The following SBF1 variants were observed in gnomAD, a reference collection of about 807,000 sequenced individuals.
The protein encoded by SBF1 is myotubularin-related protein 5.
In SBF1, 65 loss-of-function variants were observed where a neutral mutation model predicts 215.8. The ratio of observed to expected loss-of-function variants is 0.30; its 90% CI spans 0.25 to 0.37. The LOEUF is 0.37. Ranked by LOEUF, SBF1 falls within the 10% of genes least tolerant of loss-of-function variation. SBF1 has a pLI of 1.00. For missense variants in SBF1, 2,634 were observed against 2,667.8 expected (o/e 0.99, Z 0.28); for synonymous variants, 1,410 against 1,122.8 (o/e 1.26, Z -5.11).
At chr22:50,457,509 G>A (rs536421477) in intron 28 of SBF1, among the ~76,000 whole-genome samples, 1 of 152,372 alleles carries the variant, frequency 6.6e-6, no homozygotes, top group African/African-American at 2.4e-5. Context: ...ACATGAGCAT[G>A]TAGACGCCTC....
At chr22:50,467,509 G>A (rs762478980) in intron 4 of SBF1, 23 bp downstream of exon 4, 13 of 1,613,580 alleles carry the variant, frequency 8.1e-6, no homozygotes, top group Non-Finnish European at 9.3e-6. Flanking sequence ...GTCGTGCCTC[G>A]CCGCCCCGGC....
rs774957311 is a variant in SBF1 at position 50,464,392 on chromosome 22, C to A, written c.1686G>T (p.Arg562=). Residue 562 remains arginine (R), a synonymous_variant, in exon 15 of 41, where the codon CGG becomes CGT. Coordinates refer to ENST00000380817, the MANE Select transcript of SBF1 (RefSeq NM_002972.4). ...CSGLHVNSAR[R]LEVVRNCISY... ...AGATGCAGTTGCGCACAACCTCCAG[C>A]CGCCGGGCGCTGTTGACATGCAGCC... is the stretch of plus-strand genomic sequence containing the variant. 6.2e-7 allele frequency: 1 copy of A among 1,614,120 alleles called. No individual in the cohort carries two copies. The highest frequency in any genetic ancestry group is 1.1e-5 in the South Asian group (1 of 91,084).
intron 5 of SBF1, chr22:50,466,958 A>G: frequency 1.8e-6 from 1 of 555,582 alleles, no homozygotes; most frequent in Non-Finnish European, 3.2e-6. Flanking sequence ...AGGTGGGCGG[A>G]AGAAACAAAG....
Position 50,447,400 on chromosome 22 carries a change from C to T in SBF1, c.5505G>A (p.Leu1835=). ...CAGGTGCCACAGCCTCCACCTCCGC[C>T]AAGTCGATGACACCCTTGCACTCTG... ...VDTECKGVID[L]AEVEAVAPGT... Residue 1835 remains leucine (L), a synonymous_variant, in exon 40 of 41, where the codon TTG becomes TTA. Transcript: ENST00000380817. The T allele has an allele frequency of 1.2e-6, 2 of 1,614,030 alleles. No individual in the cohort carries two copies. Among genetic ancestry groups the T allele is most frequent in the Non-Finnish European group, 1.7e-6 (2 of 1,179,972 alleles).
rs370087082 is a variant in SBF1 at position 50,447,397 on chromosome 22, C to T, written c.5508G>A (p.Ala1836=). The T allele has an allele frequency of 1.2e-5, 20 of 1,613,900 alleles. No individual in the cohort carries two copies. The highest frequency in any genetic ancestry group is 7.7e-5 in the South Asian group (7 of 91,094). ...DTECKGVIDL[A]EVEAVAPGTP... Reference sequence around the variant, plus strand: ...TGCCAGGTGCCACAGCCTCCACCTCCGCCAAGTCGATGACACCCTTGCACT... The same window carrying T: ...TGCCAGGTGCCACAGCCTCCACCTCTGCCAAGTCGATGACACCCTTGCACT... The change falls in exon 40 of 41, where the codon GCG becomes GCA. Residue 1836 remains alanine, a synonymous_variant. Coordinates refer to ENST00000380817, the MANE Select transcript of SBF1 (RefSeq NM_002972.4).
intron 36 of SBF1, among the ~76,000 whole-genome samples, chr22:50,453,209 C>G (rs914463834): frequency 1.3e-5 from 2 of 152,112 alleles, no homozygotes; most frequent in Non-Finnish European, 2.9e-5. Context: ...TACAAGAAAA[C>G]AACAGAGCAA....
chr22:50,473,855 G>A (rs1476061552), intron 1 of SBF1, among the ~76,000 whole-genome samples: 2 of 152,210 alleles, frequency 1.3e-5, no homozygotes, highest in African/African-American at 4.8e-5. Context: ...AGCCGGCTCA[G>A]GCCAGGCAGT....
At chr22:50,456,778 G>C (rs1426900282) in intron 29 of SBF1, 105 bp from the exon 30 acceptor site, 2 of 1,085,990 alleles carry the variant, frequency 1.8e-6, no homozygotes, top group Non-Finnish European at 2.6e-6. Flanking sequence ...CCCAGGGCAG[G>C]GGTGGTTGGC....
At chr22:50,452,740 A>T (rs918435967) in intron 36 of SBF1, among the ~76,000 whole-genome samples, 1 of 150,926 alleles carries the variant, frequency 6.6e-6, no homozygotes, top group Non-Finnish European at 1.5e-5. Flanking sequence ...AAAAAAAAAA[A>T]AAAAAAAAAA....
intron 38 of SBF1, 46 bp downstream of exon 38, chr22:50,448,187 C>G: frequency 6.3e-7 from 1 of 1,578,892 alleles, no homozygotes; most frequent in South Asian, 1.1e-5. Flanking sequence ...GACCCCAGAA[C>G]ACCAGCTCAG....
Position 50,460,258 on chromosome 22 carries a change from C to A in SBF1, c.3283+14G>T. On this transcript the variant is annotated intron_variant, in intron 25 of 40. Transcript: ENST00000380817. Reference sequence around the variant, plus strand: ...ATCCAGAGACCACCCAGGACTCCACCCCCACCCCTCCACCTGAGATCTCGT... The same window carrying A: ...ATCCAGAGACCACCCAGGACTCCACACCCACCCCTCCACCTGAGATCTCGT... The A allele has an allele frequency of 6.2e-7, 1 of 1,601,212 alleles. No homozygotes were observed.
At position 50,451,580 on chromosome 22, in the gene SBF1, A is replaced by G. The variant is rs117141973; in HGVS notation, c.5044-2930T>C. 5.1e-3 allele frequency among the ~76,000 whole-genome samples: 776 copies of G among 152,286 alleles called. 2 individuals carry two copies. The highest frequency in any genetic ancestry group is 8.7e-3 in the Non-Finnish European group (590 of 68,038). Reference sequence around the variant, plus strand: ...GAAGCAATGGCTTGAAATGTATTAAATTTGACAAAAATGATCATCCCACAG... The same window carrying G: ...GAAGCAATGGCTTGAAATGTATTAAGTTTGACAAAAATGATCATCCCACAG... On this transcript the variant is annotated intron_variant, in intron 36 of 40. Transcript: ENST00000380817.
chr22:50,470,120 G>A lies in SBF1; in HGVS notation c.56-1659C>T, dbSNP rs141842891. Among the ~76,000 whole-genome samples the A allele has an allele frequency of 1.4e-3, 210 of 151,306 alleles. 3 individuals carry two copies. Among genetic ancestry groups the A allele is most frequent in the African/African-American group, 4.8e-3 (197 of 41,164 alleles). On this transcript the variant is annotated intron_variant, in intron 1 of 40. Coordinates refer to ENST00000380817, the MANE Select transcript of SBF1 (RefSeq NM_002972.4). ...CACTCAGGCGCAGGCCCTGAGCTGC[G>A]GCTCCTCCCCCACCCCGCCCACTCC...
At chr22:50,460,448 G>A (rs369469230) in intron 24 of SBF1, 40 bp from the exon 25 acceptor site, 24 of 1,602,492 alleles carry the variant, frequency 1.5e-5, no homozygotes, top group African/African-American at 1.3e-4. Context: ...GAGGAGGAGG[G>A]ACAAAGATGA....
At chr22:50,457,706 T>G (rs2067311127) in intron 28 of SBF1, among the ~76,000 whole-genome samples, 1 of 152,186 alleles carries the variant, frequency 6.6e-6, no homozygotes, top group Non-Finnish European at 1.5e-5. Context: ...CCAGACGACG[T>G]GGCCTGAAGG....
chr22:50,468,810 G>A (rs2067889044), intron 1 of SBF1, among the ~76,000 whole-genome samples: 1 of 151,826 alleles, frequency 6.6e-6, no homozygotes, highest in African/African-American at 2.4e-5. Context: ...CCACCGCCAG[G>A]CCCCCACTTA....
rs747809306 is a variant in SBF1, at chr22:50,465,839, A to G, written c.1013T>C (p.Val338Ala). 9.9e-6 allele frequency: 16 copies of G among 1,612,558 alleles called. No homozygotes were observed. Among genetic ancestry groups the G allele is most frequent in the Non-Finnish European group, 1.4e-5 (16 of 1,179,652 alleles). The change falls in exon 10 of 41, where the codon GTC (valine) becomes GCC (alanine). Residue 338 changes from valine to alanine, a missense_variant and splice_region_variant. Transcript: ENST00000380817. ...AGCCAACTCCAGCTCCGGGTCCAGG[A>G]CCTGCCAGCACAGAATGGAGCAGGC... Reference protein sequence around the residue: ...QSQTHSVLSMVLDPELELADL... With the variant: ...QSQTHSVLSMALDPELELADL...
intron 28 of SBF1, among the ~76,000 whole-genome samples, chr22:50,457,595 G>A (rs1043915730): frequency 4.6e-5 from 7 of 152,264 alleles, no homozygotes; most frequent in Admixed American, 2.0e-4. Flanking sequence ...TTCCCGAAGA[G>A]GGGAGAGGGT....
At chr22:50,452,579 C>T (rs1009983916) in intron 36 of SBF1, among the ~76,000 whole-genome samples, 6 of 151,804 alleles carry the variant, frequency 4.0e-5, no homozygotes, top group South Asian at 2.1e-4. Flanking sequence ...AAAATTTAGC[C>T]GGGCATGATG....
Sources: gnomAD v4.1 joint callset for allele counts (sites outside exome capture counted in the v4.1 genomes callset) on GRCh38, gnomAD v4.1.1 for gene constraint, MANE v1.5 for transcripts, NCBI Gene and HGNC (gene_info 2026-07-23, HGNC 2026-07-21) for gene names.